Variants in RBFOX1 observed in about 807,000 individuals in gnomAD.
RBFOX1 encodes RNA binding fox-1 homolog 1.
RBFOX1 carries 8 observed loss-of-function variants against 57.7 expected under a neutral mutation model. The ratio of observed to expected loss-of-function variants is 0.14; its 90% CI spans 0.08 to 0.25. The LOEUF (loss-of-function observed/expected upper bound fraction) is 0.25. Ranked by LOEUF, RBFOX1 falls within the 10% of genes least tolerant of loss-of-function variation. RBFOX1 has a pLI of 1.00. For missense variants in RBFOX1, 611 were observed against 548.5 expected, an observed-to-expected ratio of 1.11 and a Z score of -1.14; for synonymous variants, 326 against 222.4, an observed-to-expected ratio of 1.47 and a Z score of -4.15.
intron 4 of RBFOX1, among the ~76,000 whole-genome samples, chr16:7,201,762 C>T (rs111741736): frequency 2.0e-4 from 31 of 152,212 alleles, no homozygotes; most frequent in African/African-American, 6.5e-4. Context: ...CATGCCCGGC[C>T]GATCTGATTC....
At chr16:5,454,926 TCTTCCTTCCTTCCTTCCTTC>T (rs1162105535) in intron 1 of RBFOX1, among the ~76,000 whole-genome samples, 700 of 54,728 alleles carry the variant, frequency 0.013, 34 homozygotes, top group Non-Finnish European at 0.016. Flanking sequence ...TTTGTTTCTT[TCTTCCTTCCTTCCTTCCTTC>T]CTTCCTTCCT....
At chr16:6,800,887 ATTCAC>A (rs1392608496) in intron 3 of RBFOX1, among the ~76,000 whole-genome samples, 1 of 152,116 alleles carries the variant, frequency 6.6e-6, no homozygotes, top group Non-Finnish European at 1.5e-5. Context: ...TTGGAAGTTA[ATTCAC>A]TTCAAGTGGA....
At chr16:7,452,668 C>A (rs772657719) in intron 4 of RBFOX1, among the ~76,000 whole-genome samples, 5 of 152,162 alleles carry the variant, frequency 3.3e-5, no homozygotes, top group African/African-American at 1.2e-4. Flanking sequence ...TGTATAGGCT[C>A]AGACTTCATG....
intron 3 of RBFOX1, among the ~76,000 whole-genome samples, chr16:6,702,130 A>C (rs2061948408): frequency 6.6e-6 from 1 of 152,062 alleles, no homozygotes; most frequent in African/African-American, 2.4e-5. Flanking sequence ...GTGGTAAATC[A>C]CTCATTACAG....
At chr16:7,677,069 G>A (rs1351399738) in intron 14 of RBFOX1, among the ~76,000 whole-genome samples, 1 of 148,894 alleles carries the variant, frequency 6.7e-6, no homozygotes, top group African/African-American at 2.5e-5. Context: ...TGATAGCCTT[G>A]GTCCTTGTGT....
intron 4 of RBFOX1, among the ~76,000 whole-genome samples, chr16:7,383,911 G>A (rs979676500): frequency 6.6e-6 from 1 of 151,982 alleles, no homozygotes; most frequent in African/African-American, 2.4e-5. Flanking sequence ...AAAATTAGCT[G>A]GGCATGGTGG....
intron 3 of RBFOX1, among the ~76,000 whole-genome samples, chr16:6,794,629 A>G (rs1280342332): frequency 6.6e-6 from 1 of 152,176 alleles, no homozygotes; most frequent in South Asian, 2.1e-4. Context: ...GTTTCTAGGC[A>G]TGTAAAGCGG....
chr16:6,874,509 T>TAAAAAA (rs57494867), intron 3 of RBFOX1, among the ~76,000 whole-genome samples: 3 of 71,082 alleles, frequency 4.2e-5, no homozygotes, highest in Non-Finnish European at 7.1e-5. Flanking sequence ...AGACTCCATC[T>TAAAAAA]AAAAAAAAAA....
intron 12 of RBFOX1, among the ~76,000 whole-genome samples, chr16:7,658,095 C>T (rs759989581): frequency 6.6e-6 from 1 of 152,132 alleles, no homozygotes; most frequent in Non-Finnish European, 1.5e-5. Context: ...TGTAAGGTGA[C>T]AACTTGGTCC....
At chr16:5,844,220 GT>G (rs1316974248) in intron 3 of RBFOX1, among the ~76,000 whole-genome samples, 2 of 152,116 alleles carry the variant, frequency 1.3e-5, no homozygotes, top group African/African-American at 2.4e-5. Context: ...GGGTTATTAT[GT>G]TTTTTTTCCA....
At position 7,120,838 on chromosome 16, in the gene RBFOX1, C is replaced by CACACACACACACAT. The variant is rs1555491046; in HGVS notation, c.27+68753_27+68754insTACACACACACACA. The stretch of plus-strand genomic sequence containing the variant: ...TTTTATATATGTATATATACACACA[C>CACACACACACACAT]ACACACACACACACACACACATACG... On this transcript the variant is annotated intron_variant, in intron 4 of 15. Transcript: ENST00000550418. Among the ~76,000 whole-genome samples the CACACACACACACAT allele has an allele frequency of 1.2e-3, 176 of 141,668 alleles. 1 individual carries two copies. The highest frequency in any genetic ancestry group is 7.4e-3 in the East Asian group (37 of 4,972). The allele number at this position is 141,668 out of a possible 152,430, so 92.9% of individuals were successfully genotyped here. A position where few individuals can be genotyped will look rare whatever the true frequency, so the allele number is the denominator to read the frequency against.
chr16:7,190,626 G>T (rs1046073179), intron 4 of RBFOX1, among the ~76,000 whole-genome samples: 3 of 151,986 alleles, frequency 2.0e-5, no homozygotes, highest in Admixed American at 6.6e-5. Flanking sequence ...TTGGTAGAGT[G>T]GTATTGCTAC....
chr16:7,490,247 G>A (rs1033584005), intron 4 of RBFOX1, among the ~76,000 whole-genome samples: 2 of 152,146 alleles, frequency 1.3e-5, no homozygotes, highest in African/African-American at 4.8e-5. Flanking sequence ...ATGACACTTT[G>A]TCTCTCCAAG....
At chr16:5,322,781 C>A (rs1419000673) in intron 1 of RBFOX1, among the ~76,000 whole-genome samples, 1 of 152,200 alleles carries the variant, frequency 6.6e-6, no homozygotes, top group Non-Finnish European at 1.5e-5. Context: ...TAGAAGGTTT[C>A]AGTGTACCTA....
At chr16:7,642,851 G>C (rs1384091769) in intron 11 of RBFOX1, among the ~76,000 whole-genome samples, 1 of 152,146 alleles carries the variant, frequency 6.6e-6, no homozygotes, top group Admixed American at 6.5e-5. Context: ...CTTTGCAAAT[G>C]CCTTTTGCAG....
Position 5,452,564 on chromosome 16 carries a change from C to A in RBFOX1, c.220-14652C>A, listed in dbSNP as rs77426503. 6.4e-3 allele frequency among the ~76,000 whole-genome samples: 975 copies of A among 152,262 alleles called. 10 individuals are homozygous for A. The highest frequency in any genetic ancestry group is 0.023 in the African/African-American group (940 of 41,540). On this transcript the variant is annotated intron_variant, in intron 1 of 2. Transcript: ENST00000585867. The stretch of plus-strand genomic sequence containing the variant: ...ATTTCAACAATTCCCATTTGTTCCT[C>A]TGCCTTTCACCTGCCCTGCCTTACC...
intron 11 of RBFOX1, among the ~76,000 whole-genome samples, chr16:7,651,176 T>G (rs2064978593): frequency 6.6e-6 from 1 of 152,216 alleles, no homozygotes; most frequent in East Asian, 1.9e-4. Flanking sequence ...GATAGAAAGA[T>G]GCGGTAGAAT....
chr16:6,174,012 A>G (rs1043828597), intron 1 of RBFOX1, among the ~76,000 whole-genome samples: 2 of 152,114 alleles, frequency 1.3e-5, no homozygotes, highest in Non-Finnish European at 2.9e-5. Context: ...AAATAACCCA[A>G]ATTCTCAACT....
chr16:5,748,589 CTCT>C (rs2053073748), intron 3 of RBFOX1, among the ~76,000 whole-genome samples: 1 of 152,092 alleles, frequency 6.6e-6, no homozygotes, highest in Non-Finnish European at 1.5e-5. Flanking sequence ...GGATAGTTAG[CTCT>C]TCTTGTTGAA....
Sources: allele counts gnomAD v4.1 joint callset (sites outside exome capture counted in the v4.1 genomes callset), GRCh38; gene constraint gnomAD v4.1.1; transcripts MANE v1.5; gene names NCBI Gene and HGNC (gene_info 2026-07-23, HGNC 2026-07-21).